CDH8: variants seen among roughly 807,000 people sequenced by gnomAD.
The protein encoded by CDH8 is cadherin 8.
In CDH8, 17 loss-of-function variants were observed where a neutral mutation model predicts 68.1. The observed-to-expected ratio is 0.25, with a 90% confidence interval of 0.17 to 0.37. CDH8 has a LOEUF of 0.37. CDH8 is among the 10% of genes least tolerant of loss of function. CDH8 has a pLI of 1.00. For synonymous variants in CDH8, 372 were observed against 365.1 expected (o/e 1.02, Z -0.21); for missense variants, 763 against 999.3 (o/e 0.76, Z 3.19).
chr16:61,709,847 T>G (rs1964599570), intron 10 of CDH8, among the ~76,000 whole-genome samples: 1 of 152,194 alleles, frequency 6.6e-6, no homozygotes, highest in South Asian at 2.1e-4. Context: ...CTTTTTATTT[T>G]GTCTATTTTA....
chr16:61,665,645 A>G (rs964943232), intron 10 of CDH8, among the ~76,000 whole-genome samples: 1 of 151,894 alleles, frequency 6.6e-6, no homozygotes. Context: ...CGTTCTTCAC[A>G]TGTATCCCAG....
intron 3 of CDH8, among the ~76,000 whole-genome samples, chr16:61,858,088 CAT>C (rs907852388): frequency 3.3e-5 from 5 of 151,862 alleles, no homozygotes; most frequent in Admixed American, 6.6e-5. Flanking sequence ...CACACACACA[CAT>C]ACACACACAC....
intron 10 of CDH8, among the ~76,000 whole-genome samples, chr16:61,675,782 T>C (rs530251711): frequency 1.8e-4 from 28 of 151,664 alleles, no homozygotes; most frequent in Non-Finnish European, 3.8e-4. Flanking sequence ...TATTACATTG[T>C]AAGAAATATA....
intron 10 of CDH8, among the ~76,000 whole-genome samples, chr16:61,681,090 G>A (rs779009649): frequency 4.8e-4 from 73 of 151,854 alleles, no homozygotes; most frequent in Non-Finnish European, 9.9e-4. Flanking sequence ...TGTACAATGG[G>A]GTAGTCACTT....
intron 2 of CDH8, among the ~76,000 whole-genome samples, chr16:62,017,397 C>T (rs1304500881): frequency 6.6e-6 from 1 of 152,106 alleles, no homozygotes; most frequent in Admixed American, 6.6e-5. Context: ...ATATGACTTT[C>T]AGGCCGGGCA....
chr16:61,870,695 T>C (rs1241322680), intron 3 of CDH8, among the ~76,000 whole-genome samples: 1 of 152,162 alleles, frequency 6.6e-6, no homozygotes, highest in African/African-American at 2.4e-5. Flanking sequence ...GTTAAGAGCA[T>C]ACCCATGACA....
intron 4 of CDH8, among the ~76,000 whole-genome samples, chr16:61,851,082 C>T (rs1962928397): frequency 6.6e-6 from 1 of 151,984 alleles, no homozygotes. Context: ...CCTCTTGGCA[C>T]TGGAAATTAT....
rs75312091 is a variant in CDH8, at chr16:62,020,502, A to G, written c.252+650T>C. ...CTAACACACACACGCGCGCGCGCACACACACACACACACACACACACACTC... is the reference window on the plus strand; with the variant it reads ...CTAACACACACACGCGCGCGCGCACGCACACACACACACACACACACACTC... On this transcript the variant is annotated intron_variant, in intron 2 of 11. Transcript: ENST00000577390. 4.1e-3 allele frequency among the ~76,000 whole-genome samples: 81 copies of G among 19,672 alleles called. No individual in the cohort carries two copies. In the East Asian group the frequency reaches 0.073, roughly 18 times the overall value. 12.9% of individuals were successfully genotyped at this position (19,672 alleles called of 152,430 possible). A position where few individuals can be genotyped will look rare whatever the true frequency, so the allele number is the denominator to read the frequency against.
At chr16:61,848,814 G>GTACTTGTACC (rs1567498670) in intron 4 of CDH8, among the ~76,000 whole-genome samples, 1 of 152,006 alleles carries the variant, frequency 6.6e-6, no homozygotes, top group Non-Finnish European at 1.5e-5. Context: ...GTAAAGTTAG[G>GTACTTGTACC]TACAAGTAAA....
At chr16:61,900,151 C>T (rs572907792) in intron 3 of CDH8, among the ~76,000 whole-genome samples, 86 of 151,874 alleles carry the variant, frequency 5.7e-4, no homozygotes, top group Middle Eastern at 3.4e-3. Flanking sequence ...TATTTTTTCT[C>T]GCAGTTCCTT....
chr16:62,019,936 T>C (rs778349744), intron 2 of CDH8, among the ~76,000 whole-genome samples: 7 of 152,180 alleles, frequency 4.6e-5, no homozygotes, highest in Non-Finnish European at 1.0e-4. Flanking sequence ...CACTGTTTTG[T>C]TCATTGATAC....
At chr16:61,665,067 G>A (rs2142764231) in intron 10 of CDH8, among the ~76,000 whole-genome samples, 1 of 152,024 alleles carries the variant, frequency 6.6e-6, no homozygotes, top group Non-Finnish European at 1.5e-5. Flanking sequence ...TGGAGATGGG[G>A]CCTCTACAGA....
At chr16:61,668,906 T>A (rs1347089592) in intron 10 of CDH8, among the ~76,000 whole-genome samples, 1 of 152,052 alleles carries the variant, frequency 6.6e-6, no homozygotes, top group African/African-American at 2.4e-5. Context: ...ATTAACACAT[T>A]TGATATAAAG....
intron 8 of CDH8, among the ~76,000 whole-genome samples, chr16:61,774,459 G>GA (rs11318433): frequency 0.019 from 2,333 of 123,146 alleles, 23 homozygotes; most frequent in East Asian, 0.035. Context: ...ATCACTCAGG[G>GA]AAAAAAAAAA....
chr16:61,777,156 A>C (rs924530915), intron 8 of CDH8, among the ~76,000 whole-genome samples: 5 of 152,138 alleles, frequency 3.3e-5, no homozygotes, highest in African/African-American at 1.2e-4. Flanking sequence ...TTCTCCTCCC[A>C]GTCCTAATGA....
chr16:61,780,404 C>T (rs1002946219), intron 8 of CDH8, among the ~76,000 whole-genome samples: 2 of 152,184 alleles, frequency 1.3e-5, no homozygotes, highest in Non-Finnish European at 2.9e-5. Context: ...ATCTCAGCCT[C>T]GGTTAAGTGA....
intron 3 of CDH8, among the ~76,000 whole-genome samples, chr16:61,865,169 A>C (rs1344865): frequency 0.13 from 19,892 of 152,214 alleles, 1,597 homozygotes; most frequent in Middle Eastern, 0.21. Flanking sequence ...TCTTAACTGC[A>C]GTCAGGCGGA....
At chr16:61,898,356 A>C (rs1475361864) in intron 3 of CDH8, among the ~76,000 whole-genome samples, 1 of 152,164 alleles carries the variant, frequency 6.6e-6, no homozygotes, top group Non-Finnish European at 1.5e-5. Context: ...AGCTCCTTTC[A>C]CAAGAGGTAG....
At chr16:61,694,225 A>G (rs1361701857) in intron 10 of CDH8, among the ~76,000 whole-genome samples, 1 of 152,222 alleles carries the variant, frequency 6.6e-6, no homozygotes, top group Non-Finnish European at 1.5e-5. Context: ...ATTTATAAAC[A>G]CTAACAATGG....
Sources: allele counts gnomAD v4.1 joint callset (sites outside exome capture counted in the v4.1 genomes callset), GRCh38; gene constraint gnomAD v4.1.1; transcripts MANE v1.5; gene names NCBI Gene and HGNC (gene_info 2026-07-23, HGNC 2026-07-21).